Variants in FAM107A observed in about 807,000 individuals in gnomAD.
FAM107A encodes the protein family with sequence similarity 107 member A.
FAM107A carries 19 observed loss-of-function variants against 13.7 expected under a neutral mutation model. The observed-to-expected ratio is 1.38, with a 90% CI of 0.97 to 2.03. The LOEUF (loss-of-function observed/expected upper bound fraction) is 2.03. FAM107A is among the 30% of genes most tolerant of loss of function. The pLI is 0.00. For missense variants in FAM107A, 203 were observed against 184.4 expected, an observed-to-expected ratio of 1.10 and a Z score of -0.58; for synonymous variants, 82 against 74.5, an observed-to-expected ratio of 1.10 and a Z score of -0.52.
intron 1 of FAM107A, among the ~76,000 whole-genome samples, chr3:58,593,548 G>C (rs936293013): frequency 1.3e-5 from 2 of 151,634 alleles, no homozygotes; most frequent in Non-Finnish European, 2.9e-5. Context: ...CAGTGGCAAG[G>C]TACACTCCAA....
upstream of FAM107A, chr3:58,577,761 G>A (rs2063742830): frequency 1.0e-6 from 1 of 984,680 alleles, no homozygotes; most frequent in Non-Finnish European, 1.2e-6. The surrounding 1 kb of genome is among the most constrained non-coding windows in gnomAD (Gnocchi z 4.9). Flanking sequence ...GCTTCCTGAG[G>A]CAGTGGTGTG....
At chr3:58,618,684 G>GA (rs1418620657) in intron 1 of FAM107A, among the ~76,000 whole-genome samples, 3 of 152,256 alleles carry the variant, frequency 2.0e-5, no homozygotes, top group African/African-American at 4.8e-5. Context: ...AAGGCCCGAG[G>GA]ATGGGGGGAA....
In FAM107A at chr3:58,565,435, A is replaced by ATTTTTTTTTTTTTTTTTTTTTTTTT; in HGVS notation, c.*1128_*1152dup. The ATTTTTTTTTTTTTTTTTTTTTTTTT allele has an allele frequency of 1.2e-5, 1 of 82,322 alleles. No homozygotes were observed. Among genetic ancestry groups the ATTTTTTTTTTTTTTTTTTTTTTTTT allele is most frequent in the Non-Finnish European group, 2.2e-5 (1 of 45,298 alleles). 5.1% of individuals were successfully genotyped at this position (82,322 alleles called of 1,614,324 possible). ...GACTAGGAAAAAGTAAAAAAAAAAA[A>ATTTTTTTTTTTTTTTTTTTTTTTTT]TTTTTTTTTTTTTTTTTTTTTTTTT... On this transcript the variant is annotated 3_prime_UTR_variant, in exon 4 of 4. Transcript: ENST00000360997.
upstream of FAM107A, among the ~76,000 whole-genome samples, chr3:58,579,089 C>T (rs759012860): frequency 1.5e-4 from 23 of 152,104 alleles, no homozygotes; most frequent in South Asian, 4.2e-4. Flanking sequence ...CCGTGATGAA[C>T]GCAAGGCTGG....
chr3:58,590,852 G>A (rs535904495), upstream of FAM107A, among the ~76,000 whole-genome samples: 11 of 152,282 alleles, frequency 7.2e-5, no homozygotes, highest in South Asian at 2.1e-4. Context: ...CCTTCAAGTC[G>A]TTCTCCACAA....
chr3:58,571,596 A>G (rs1377076843), intron 1 of FAM107A, among the ~76,000 whole-genome samples: 2 of 151,648 alleles, frequency 1.3e-5, no homozygotes, highest in African/African-American at 4.9e-5. Flanking sequence ...ATCAGCTCCC[A>G]CTCCTTAGTG....
chr3:58,589,292 T>G, upstream of FAM107A: 2 of 1,490,010 alleles, frequency 1.3e-6, no homozygotes, highest in Non-Finnish European at 1.8e-6. Context: ...AGAAAGTAGG[T>G]GGAGTTGAGG....
At chr3:58,616,863 T>A (rs2065906758) in intron 1 of FAM107A, among the ~76,000 whole-genome samples, 1 of 151,970 alleles carries the variant, frequency 6.6e-6, no homozygotes, top group Non-Finnish European at 1.5e-5. Context: ...AAGCTCCGCC[T>A]CCCGGGTTCA....
chr3:58,567,563 A>G (rs1341617577), intron 2 of FAM107A, among the ~76,000 whole-genome samples, 199 bp from the exon 3 acceptor site: 2 of 152,222 alleles, frequency 1.3e-5, no homozygotes, highest in Admixed American at 1.3e-4. Context: ...CCAGTCCAAG[A>G]CATAGCTACA....
At chr3:58,594,931 T>G (rs1019832896) in intron 1 of FAM107A, among the ~76,000 whole-genome samples, 2 of 152,152 alleles carry the variant, frequency 1.3e-5, no homozygotes, top group African/African-American at 4.8e-5. Context: ...TCCTTCCAAT[T>G]CTTAGTCCTT....
intron 1 of FAM107A, among the ~76,000 whole-genome samples, chr3:58,623,015 C>A (rs1575460185): frequency 6.6e-6 from 1 of 152,076 alleles, no homozygotes; most frequent in Admixed American, 6.5e-5. Context: ...TGATGAGGTC[C>A]TCACACGTCA....
At chr3:58,621,997 G>A (rs71637536) in intron 1 of FAM107A, among the ~76,000 whole-genome samples, 13,867 of 152,272 alleles carry the variant, frequency 0.091, 833 homozygotes, top group Non-Finnish European at 0.13. Context: ...TCAGTGTCAG[G>A]TGGGGGAGAG....
intron 2 of FAM107A, among the ~76,000 whole-genome samples, chr3:58,568,313 T>C (rs991179078): frequency 2.0e-5 from 3 of 151,944 alleles, no homozygotes; most frequent in African/African-American, 7.2e-5. Context: ...CGGGCACCTG[T>C]AGTCCCTGCT....
intron 1 of FAM107A, among the ~76,000 whole-genome samples, chr3:58,611,273 G>GC (rs11430182): frequency 1 from 152,310 of 152,316 alleles, 76,152 homozygotes; most frequent in Middle Eastern, 1. Flanking sequence ...AGGAGGCCCT[G>GC]CCAGGGGCCC....
At chr3:58,615,656 G>A (rs1276350971) in intron 1 of FAM107A, among the ~76,000 whole-genome samples, 1 of 152,134 alleles carries the variant, frequency 6.6e-6, no homozygotes, top group Non-Finnish European at 1.5e-5. Context: ...AGCACTTTGG[G>A]AGGCTGAGGT....
At chr3:58,603,512 G>C (rs1559484273) in intron 1 of FAM107A, among the ~76,000 whole-genome samples, 2 of 152,200 alleles carry the variant, frequency 1.3e-5, no homozygotes, top group Non-Finnish European at 2.9e-5. Context: ...GGATGGAGCA[G>C]GAGAAGAAGT....
intron 1 of FAM107A, among the ~76,000 whole-genome samples, chr3:58,612,108 A>G (rs906849140): frequency 2.6e-5 from 4 of 152,196 alleles, no homozygotes; most frequent in Non-Finnish European, 4.4e-5. Context: ...ATCCAACTTC[A>G]TAGAAACCCA....
upstream of FAM107A, chr3:58,587,167 C>G: frequency 3.1e-6 from 4 of 1,302,554 alleles, no homozygotes; most frequent in Non-Finnish European, 3.9e-6. Flanking sequence ...AGGCAGGGCG[C>G]GGGTGAACGT....
At chr3:58,605,267 C>T (rs1288904418) in intron 1 of FAM107A, among the ~76,000 whole-genome samples, 1 of 152,248 alleles carries the variant, frequency 6.6e-6, no homozygotes, top group Non-Finnish European at 1.5e-5. Flanking sequence ...AACCCTATAA[C>T]AGCTGCTCTC....
Sources: gnomAD v4.1 joint callset for allele counts (sites outside exome capture counted in the v4.1 genomes callset) on GRCh38, gnomAD v4.1.1 for gene constraint, Gnocchi (gnomAD v3.1) non-coding constraint, MANE v1.5 for transcripts, NCBI Gene and HGNC (gene_info 2026-07-23, HGNC 2026-07-21) for gene names.